TENM2: variants seen among roughly 807,000 people sequenced by gnomAD.
TENM2 encodes the protein teneurin-2.
Under a neutral mutation model 245.2 loss-of-function variants are expected in TENM2, and 52 were observed. The ratio of observed to expected loss-of-function variants is 0.21; its 90% confidence interval spans 0.17 to 0.27. TENM2 has a LOEUF of 0.27. Among genes scored for constraint, TENM2 ranks in the 10% least tolerant of loss-of-function variants. The pLI is 1.00. For synonymous variants in TENM2, 1,363 were observed against 1,438.9 expected (o/e 0.95, Z 1.19); for missense variants, 3,046 against 3,666.8 (o/e 0.83, Z 4.37).
intron 1 of TENM2, among the ~76,000 whole-genome samples, chr5:167,335,404 A>G (rs938359695): frequency 1.3e-5 from 2 of 152,176 alleles, no homozygotes; most frequent in Non-Finnish European, 2.9e-5. Context: ...ACATTTCAAC[A>G]TGAGATTTGA....
rs145057918 is a variant in TENM2, at chr5:168,031,444, C to G, written c.1187-15983C>G. On this transcript the variant is annotated intron_variant, in intron 5 of 28. Coordinates refer to ENST00000518659, the Ensembl canonical transcript of TENM2. Reference sequence around the variant, plus strand: ...CAGACCATATTCCTTCTGGACAGTTCACACAATAATTGCTCTTTGTCGGGT... The same window carrying G: ...CAGACCATATTCCTTCTGGACAGTTGACACAATAATTGCTCTTTGTCGGGT... Among the ~76,000 whole-genome samples, 535 of 152,286 alleles carry G rather than the reference C, an allele frequency of 3.5e-3. 1 individual carries two copies. Among genetic ancestry groups the G allele is most frequent in the Middle Eastern group, 6.8e-3 (2 of 294 alleles).
chr5:167,152,893 C>A, the TENM2 span, among the ~76,000 whole-genome samples: 1 of 152,028 alleles, frequency 6.6e-6, no homozygotes, highest in African/African-American at 2.4e-5. Flanking sequence ...TATTTTTGGA[C>A]CACAATTGAC....
chr5:167,178,592 C>T, the TENM2 span, among the ~76,000 whole-genome samples: 1 of 152,084 alleles, frequency 6.6e-6, no homozygotes, highest in Non-Finnish European at 1.5e-5. Context: ...TGTCTCCCAC[C>T]GTTGTGTTAA....
intron 8 of TENM2, among the ~76,000 whole-genome samples, chr5:168,094,002 T>G (rs1469766897): frequency 6.6e-6 from 1 of 150,790 alleles, no homozygotes; most frequent in Non-Finnish European, 1.5e-5. Flanking sequence ...CAGACACACA[T>G]ACACATAGAC....
intron 5 of TENM2, among the ~76,000 whole-genome samples, chr5:168,017,601 A>G (rs1785772196): frequency 6.6e-6 from 1 of 152,142 alleles, no homozygotes; most frequent in Non-Finnish European, 1.5e-5. Context: ...TTTAATTTGT[A>G]CTGGGGAAAG....
intron 2 of TENM2, among the ~76,000 whole-genome samples, chr5:167,654,487 C>T (rs1582662573): frequency 1.3e-5 from 2 of 152,030 alleles, no homozygotes; most frequent in East Asian, 1.9e-4. Flanking sequence ...CTACTCAATA[C>T]GTGTTAGGCG....
rs925266563 is a variant in TENM2, at chr5:167,556,824, C to T, written c.502+181351C>T. On this transcript the variant is annotated intron_variant, in intron 2 of 28. Transcript: ENST00000518659. ...AATGCGGAGTGCAGCAAGTACCCCC[C>T]ATCCCTTGGTCTCACTTGTATTTTA... 3.3e-5 allele frequency among the ~76,000 whole-genome samples: 5 copies of T among 152,156 alleles called. 1 individual carries two copies. The highest frequency in any genetic ancestry group is 2.0e-4 in the Admixed American group (3 of 15,274).
intron 13 of TENM2, among the ~76,000 whole-genome samples, chr5:168,167,900 A>T (rs975579714): frequency 6.6e-5 from 10 of 152,234 alleles, no homozygotes; most frequent in African/African-American, 2.4e-4. Context: ...TTTACAAGAC[A>T]CCTGGCTCAT....
chr5:167,351,206 G>A (rs1421337250), intron 1 of TENM2, among the ~76,000 whole-genome samples: 1 of 148,956 alleles, frequency 6.7e-6, no homozygotes, highest in Non-Finnish European at 1.5e-5. Context: ...TATATATATG[G>A]GATATATATA....
chr5:167,120,348 C>G, the TENM2 span, among the ~76,000 whole-genome samples: 2 of 152,096 alleles, frequency 1.3e-5, no homozygotes, highest in Non-Finnish European at 2.9e-5. Context: ...AGCAAAGCTC[C>G]ACGAGAGAAG....
At chr5:167,267,055 A>G in the TENM2 span, among the ~76,000 whole-genome samples, 4 of 152,148 alleles carry the variant, frequency 2.6e-5, no homozygotes, top group East Asian at 1.9e-4. Context: ...CTGTTTCCAT[A>G]AAGTGTTCTA....
intron 2 of TENM2, among the ~76,000 whole-genome samples, chr5:167,621,012 T>A (rs1191564171): frequency 6.6e-6 from 1 of 152,114 alleles, no homozygotes. Flanking sequence ...CAGATCCCAA[T>A]ATCAACACTA....
intron 4 of TENM2, among the ~76,000 whole-genome samples, chr5:167,981,690 C>G (rs1782845733): frequency 1.3e-5 from 2 of 152,136 alleles, no homozygotes; most frequent in African/African-American, 2.4e-5. Context: ...GTCTAAAATC[C>G]AGATCCCCTT....
chr5:167,699,193 A>T (rs1049510806), intron 2 of TENM2, among the ~76,000 whole-genome samples: 1 of 152,092 alleles, frequency 6.6e-6, no homozygotes, highest in Non-Finnish European at 1.5e-5. Context: ...CAAAACAGAG[A>T]TAAAGAGTAT....
chr5:166,990,603 C>T, the TENM2 span, among the ~76,000 whole-genome samples: 1 of 151,290 alleles, frequency 6.6e-6, no homozygotes. Flanking sequence ...TTGGGGAATT[C>T]GGAGATGGTT....
At chr5:167,170,186 T>A in the TENM2 span, among the ~76,000 whole-genome samples, 1 of 152,238 alleles carries the variant, frequency 6.6e-6, no homozygotes, top group Non-Finnish European at 1.5e-5. Context: ...GTAGAATTCC[T>A]TGTAGGAGGA....
chr5:168,238,273 A>AGAAAAGAAAAGAAAGGAAAG (rs1765775045), intron 25 of TENM2, among the ~76,000 whole-genome samples: 1 of 150,066 alleles, frequency 6.7e-6, no homozygotes, highest in African/African-American at 2.5e-5. Context: ...AGAAAAGAAA[A>AGAAAAGAAAAGAAAGGAAAG]GAAAAGAAAA....
chr5:167,303,088 G>A (rs1755443509), intron 1 of TENM2: 2 of 153,630 alleles, frequency 1.3e-5, no homozygotes, highest in African/African-American at 4.8e-5. Flanking sequence ...GTTAGTGAGA[G>A]AGGTTGGAGA....
rs766209835 is a variant in TENM2, at chr5:167,478,429, C to T, written c.502+102956C>T. On this transcript the variant is annotated intron_variant, in intron 2 of 28. Coordinates refer to ENST00000518659, the Ensembl canonical transcript of TENM2. ...TTAATGATGCTGGAAATGTAGGAAA[C>T]GGCATAGACTCTGGACTCTGCTCAT... is the stretch of plus-strand genomic sequence containing the variant. Among the ~76,000 whole-genome samples, 30 of 152,184 alleles carry T rather than the reference C, an allele frequency of 2.0e-4. 1 individual carries two copies. Among genetic ancestry groups the T allele is most frequent in the Admixed American group, 1.3e-3 (20 of 15,268 alleles).
Sources: gnomAD v4.1 joint callset for allele counts (sites outside exome capture counted in the v4.1 genomes callset) on GRCh38, gnomAD v4.1.1 for gene constraint, MANE v1.5 for transcripts, NCBI Gene and HGNC (gene_info 2026-07-23, HGNC 2026-07-21) for gene names.